The following USP48 variants were observed in gnomAD, a reference collection of about 807,000 sequenced individuals.
The protein encoded by USP48 is ubiquitin carboxyl-terminal hydrolase 48.
A neutral mutation model predicts 150.7 loss-of-function variants in USP48; 43 were observed. The ratio of observed to expected loss-of-function variants is 0.29; its 90% CI spans 0.22 to 0.37. The LOEUF is 0.37. Ranked by LOEUF, USP48 falls within the 10% of genes least tolerant of loss-of-function variation. USP48 has a pLI of 1.00. For synonymous variants in USP48, 396 were observed against 425.9 expected (o/e 0.93, Z 0.86); for missense variants, 813 against 1,249.6 (o/e 0.65, Z 5.27).
intron 2 of USP48, 120 bp downstream of exon 2, chr1:21,757,543 A>G: frequency 9.0e-7 from 1 of 1,105,700 alleles, no homozygotes; most frequent in South Asian, 1.8e-5. Context: ...TCTACTGCTT[A>G]TCTTAAAGCT....
chr1:21,712,838 G>C (rs994205858), intron 15 of USP48, among the ~76,000 whole-genome samples: 1 of 151,850 alleles, frequency 6.6e-6, no homozygotes, highest in Non-Finnish European at 1.5e-5. Context: ...ATGTTGGCCA[G>C]GCTGGTCTCA....
chr1:21,696,733 T>C (rs1426862968), intron 22 of USP48, among the ~76,000 whole-genome samples: 1 of 152,014 alleles, frequency 6.6e-6, no homozygotes, highest in Admixed American at 6.6e-5. Flanking sequence ...TGCCCCTGGG[T>C]GTGCATGATA....
chr1:21,760,054 G>T (rs2097846373), intron 1 of USP48, among the ~76,000 whole-genome samples: 1 of 152,130 alleles, frequency 6.6e-6, no homozygotes, highest in Non-Finnish European at 1.5e-5. Context: ...ACACCTTCTG[G>T]TATAATGCAC....
chr1:21,721,380 ATCCTGCTTT>A (rs2097720518), intron 13 of USP48, among the ~76,000 whole-genome samples: 1 of 152,228 alleles, frequency 6.6e-6, no homozygotes, highest in Non-Finnish European at 1.5e-5. Context: ...TCTAAATATT[ATCCTGCTTT>A]TCCTACCTTC....
chr1:21,708,505 AAAACAAAC>A (rs112365417), intron 15 of USP48, among the ~76,000 whole-genome samples: 20 of 149,206 alleles, frequency 1.3e-4, no homozygotes, highest in Admixed American at 2.8e-4. Flanking sequence ...TCAAAAAACA[AAAACAAAC>A]AAACAAACAA....
At chr1:21,764,316 A>G (rs113874021) in intron 1 of USP48, among the ~76,000 whole-genome samples, 11,580 of 151,844 alleles carry the variant, frequency 0.076, 500 homozygotes, top group Middle Eastern at 0.11. Flanking sequence ...GCATATGCCT[A>G]TAGTCCCAGC....
intron 25 of USP48, 122 bp from the exon 26 acceptor site, chr1:21,680,956 AT>A: frequency 1.4e-6 from 1 of 708,822 alleles, no homozygotes; most frequent in Non-Finnish European, 2.3e-6. Flanking sequence ...GTCACCTGTA[AT>A]AATCATCTTT....
chr1:21,770,653 TG>T (rs1376117803), intron 1 of USP48, among the ~76,000 whole-genome samples: 1 of 151,592 alleles, frequency 6.6e-6, no homozygotes. Context: ...GCTAATTTTT[TG>T]TATTTTTAGT....
At chr1:21,743,317 G>C (rs989186745) in intron 8 of USP48, among the ~76,000 whole-genome samples, 1 of 152,290 alleles carries the variant, frequency 6.6e-6, no homozygotes, top group East Asian at 1.9e-4. Flanking sequence ...AAACACAAGA[G>C]TGTCCAATGG....
At chr1:21,743,171 G>A (rs953343327) in intron 8 of USP48, among the ~76,000 whole-genome samples, 3 of 152,064 alleles carry the variant, frequency 2.0e-5, no homozygotes, top group African/African-American at 7.2e-5. Flanking sequence ...TGCAGGCTGT[G>A]GGTAAGGAAG....
intron 24 of USP48, among the ~76,000 whole-genome samples, chr1:21,688,860 A>AG (rs1322639182): frequency 3.0e-4 from 46 of 150,926 alleles, no homozygotes; most frequent in African/African-American, 1.0e-3. Context: ...AAAAAAAAAA[A>AG]AAGAAGAAGC....
At chr1:21,756,479 A>T in intron 3 of USP48, 67 bp downstream of exon 3, 1 of 1,468,712 alleles carries the variant, frequency 6.8e-7, no homozygotes, top group Non-Finnish European at 9.1e-7. Context: ...AGACTCAAAA[A>T]AAAAAAAAAA....
intron 22 of USP48, 81 bp downstream of exon 22, chr1:21,701,417 G>T: frequency 1.8e-6 from 2 of 1,135,230 alleles, no homozygotes; most frequent in Non-Finnish European, 2.6e-6. Flanking sequence ...ACAGGGTACA[G>T]AGACATGGCC....
intron 23 of USP48, among the ~76,000 whole-genome samples, chr1:21,691,534 C>A (rs1571711227): frequency 6.6e-6 from 1 of 152,042 alleles, no homozygotes; most frequent in South Asian, 2.1e-4. Flanking sequence ...ACTTGGGAGG[C>A]TGAGGGAGGA....
intron 21 of USP48, 113 bp from the exon 22 acceptor site, chr1:21,701,715 A>G (rs2097657575): frequency 1.4e-6 from 1 of 739,042 alleles, no homozygotes; most frequent in Non-Finnish European, 2.3e-6. Flanking sequence ...CACCTTTATC[A>G]TGGTGGGATT....
chr1:21,700,370 C>A (rs1401023390), intron 22 of USP48, among the ~76,000 whole-genome samples: 2 of 152,160 alleles, frequency 1.3e-5, no homozygotes, highest in African/African-American at 4.8e-5. Context: ...CAAATGCTGA[C>A]ATCCCTTTAC....
rs374460589 is a variant in USP48 at position 21,722,331 on chromosome 1, G to C, written c.1649-567C>G. On this transcript the variant is annotated intron_variant, in intron 12 of 26. Coordinates refer to ENST00000308271, the MANE Select transcript of USP48 (RefSeq NM_032236.8). ...AGCAGGGAGGGTAGCTTGAGGACAG[G>C]AGTTTGAGACCAGCCTGGGCAACAT... Among the ~76,000 whole-genome samples, 33 of 151,602 alleles carry C rather than the reference G, an allele frequency of 2.2e-4. No individual in the cohort carries two copies. The South Asian group carries it at 5.7e-3, about 26-fold the overall frequency.
chr1:21,712,187 C>T (rs2097692052), intron 15 of USP48, among the ~76,000 whole-genome samples: 1 of 152,164 alleles, frequency 6.6e-6, no homozygotes, highest in African/African-American at 2.4e-5. Flanking sequence ...GGCAAAACCC[C>T]ATATCTACTA....
At chr1:21,725,352 A>G (rs2097733595) in intron 11 of USP48, among the ~76,000 whole-genome samples, 1 of 152,208 alleles carries the variant, frequency 6.6e-6, no homozygotes, top group Admixed American at 6.5e-5. Context: ...CCTCATGGGA[A>G]TGTTGTTGAG....
Sources: allele counts gnomAD v4.1 joint callset (sites outside exome capture counted in the v4.1 genomes callset), GRCh38; gene constraint gnomAD v4.1.1; transcripts MANE v1.5; gene names NCBI Gene and HGNC (gene_info 2026-07-23, HGNC 2026-07-21).